CCDC85C: variants seen among roughly 807,000 people sequenced by gnomAD.
The protein encoded by CCDC85C is coiled-coil domain-containing protein 85C.
A neutral mutation model predicts 38.3 loss-of-function variants in CCDC85C; 18 were observed. The ratio of observed to expected loss-of-function variants is 0.47; its 90% confidence interval spans 0.33 to 0.70. The LOEUF is 0.70. Ranked by LOEUF, CCDC85C falls within the 30% of genes least tolerant of loss-of-function variation. CCDC85C has a pLI of 0.03. For missense variants in CCDC85C, 566 were observed against 621.2 expected (o/e 0.91, Z 0.94); for synonymous variants, 264 against 293.8 (o/e 0.90, Z 1.04).
At chr14:99,600,941 C>A (rs1434757962) in intron 1 of CCDC85C, among the ~76,000 whole-genome samples, 1 of 152,222 alleles carries the variant, frequency 6.6e-6, no homozygotes, top group Non-Finnish European at 1.5e-5. Flanking sequence ...GGGAGGATCA[C>A]TTAAGCCTGG....
chr14:99,564,121 G>A (rs1304322253), intron 1 of CCDC85C, among the ~76,000 whole-genome samples: 1 of 152,240 alleles, frequency 6.6e-6, no homozygotes, highest in Non-Finnish European at 1.5e-5. Flanking sequence ...CTCCATAGAG[G>A]CTGGACCTCA....
intron 1 of CCDC85C, among the ~76,000 whole-genome samples, chr14:99,562,787 A>T (rs1018841231): frequency 2.0e-5 from 3 of 152,100 alleles, no homozygotes; most frequent in African/African-American, 4.8e-5. Flanking sequence ...GCACATGCCC[A>T]CATGTACACA....
rs759137082 is a variant in CCDC85C at position 99,501,447 on chromosome 14, T to C, written c.*13799A>G. On this transcript the variant is annotated 3_prime_UTR_variant, in exon 6 of 6. Coordinates refer to ENST00000380243, the MANE Select transcript of CCDC85C (RefSeq NM_001144995.2). ...GTTCAAATGTTGATTAATTACAGTATTTTAAAATAGGCAGAGACTTTATGG... is the reference window on the plus strand; with the variant it reads ...GTTCAAATGTTGATTAATTACAGTACTTTAAAATAGGCAGAGACTTTATGG... 5.1e-6 allele frequency: 7 copies of C among 1,369,308 alleles called. No homozygotes were observed. In the South Asian group the frequency reaches 7.0e-5, roughly 14 times the overall value. The allele number at this position is 1,369,308 out of a possible 1,614,324, so 84.8% of individuals were successfully genotyped here.
At chr14:99,574,286 C>T (rs1898422709) in intron 1 of CCDC85C, among the ~76,000 whole-genome samples, 2 of 148,944 alleles carry the variant, frequency 1.3e-5, no homozygotes, top group South Asian at 2.2e-4. Context: ...AACATTGCTC[C>T]AGGGATTTTT....
intron 2 of CCDC85C, among the ~76,000 whole-genome samples, chr14:99,523,892 G>A (rs544595399): frequency 1.1e-4 from 17 of 151,990 alleles, no homozygotes; most frequent in East Asian, 3.9e-4. Flanking sequence ...AGGCACTCAC[G>A]GCCCGCAGGT....
Position 99,500,677 on chromosome 14 carries a change from GAATA to G in CCDC85C, c.*14565_*14568del, listed in dbSNP as rs1896802616. The G allele has an allele frequency of 5.6e-5, 48 of 854,578 alleles. No homozygotes were observed. In the South Asian group the frequency reaches 6.0e-4, roughly 11 times the overall value. 52.9% of individuals were successfully genotyped at this position (854,578 alleles called of 1,614,324 possible). A position where few individuals can be genotyped will look rare whatever the true frequency, so the allele number is the denominator to read the frequency against. ...GTTGCTAAAATATAACTTGAAGAGAGAATAAATAGACAGGAAAGCTCACTTTTGT... is the reference window on the plus strand; with the variant it reads ...GTTGCTAAAATATAACTTGAAGAGAGAATAGACAGGAAAGCTCACTTTTGT... On this transcript the variant is annotated 3_prime_UTR_variant, in exon 6 of 6. Transcript: ENST00000380243.
rs1454937942 is a variant in CCDC85C at position 99,505,361 on chromosome 14, C to T, written c.*9885G>A. ...TACTGGCTGCAGAGGGCTGCAAGCA[C>T]TCGAAATGTGACTGGGTCAAATTCT... On this transcript the variant is annotated 3_prime_UTR_variant, in exon 6 of 6. Transcript: ENST00000380243. The T allele has an allele frequency of 6.6e-6, 1 of 152,210 alleles. No individual in the cohort carries two copies. Among genetic ancestry groups the T allele is most frequent in the East Asian group, 1.9e-4 (1 of 5,196 alleles). 9.4% of individuals were successfully genotyped at this position (152,210 alleles called of 1,614,324 possible).
chr14:99,535,911 T>TG lies in CCDC85C; in HGVS notation c.867+103dup, dbSNP rs1897587456. 2.4e-6 allele frequency: 2 copies of TG among 840,776 alleles called. No homozygotes were observed. Among genetic ancestry groups the TG allele is most frequent in the East Asian group, 2.7e-5 (1 of 37,626 alleles). The allele number at this position is 840,776 out of a possible 1,614,324, so 52.1% of individuals were successfully genotyped here. ...GGTGACAGGTGGCAGTGGGAGCAGT[T>TG]GGGGGGACAGCCTAGGTCCCAAGGG... On this transcript the variant is annotated intron_variant, in intron 2 of 5. Coordinates refer to ENST00000380243, the MANE Select transcript of CCDC85C (RefSeq NM_001144995.2). The surrounding 1 kb of genome is among the most constrained non-coding windows in gnomAD (Gnocchi z 5.5).
intron 1 of CCDC85C, among the ~76,000 whole-genome samples, chr14:99,590,447 G>A (rs1413772317): frequency 6.6e-6 from 1 of 152,184 alleles, no homozygotes; most frequent in Non-Finnish European, 1.5e-5. Context: ...GAGAAGACTG[G>A]GAGGCCTGAT....
At chr14:99,552,794 G>T (rs555227792) in intron 1 of CCDC85C, among the ~76,000 whole-genome samples, 3 of 152,262 alleles carry the variant, frequency 2.0e-5, no homozygotes, top group African/African-American at 7.2e-5. Context: ...TCCCCGCAAG[G>T]GGGCCACGAG....
In CCDC85C at chr14:99,512,314, C is replaced by G. The variant is rs373138565; in HGVS notation, c.*2932G>C. 5.9e-5 allele frequency: 9 copies of G among 151,882 alleles called. No individual in the cohort carries two copies. Among genetic ancestry groups the G allele is most frequent in the Non-Finnish European group, 8.8e-5 (6 of 68,010 alleles). The allele number at this position is 151,882 out of a possible 1,614,324, so 9.4% of individuals were successfully genotyped here. On this transcript the variant is annotated 3_prime_UTR_variant, in exon 6 of 6. Transcript: ENST00000380243. The stretch of plus-strand genomic sequence containing the variant: ...AGAAAATAGACGTAGCTGCCGGGCC[C>G]GGGGACAGAAACCAGACGTTCCAGT...
intron 1 of CCDC85C, among the ~76,000 whole-genome samples, chr14:99,589,635 AG>A (rs2055064497): frequency 1.3e-5 from 2 of 152,208 alleles, no homozygotes; most frequent in Non-Finnish European, 2.9e-5. Context: ...TTGGGGGTTC[AG>A]GGGTCCCAGT....
In CCDC85C at chr14:99,520,175, G is replaced by A. The variant is rs1897282554; in HGVS notation, c.975+1958C>T. Among the ~76,000 whole-genome samples, 1 of 152,190 alleles carries A rather than the reference G, an allele frequency of 6.6e-6. No individual in the cohort carries two copies. The highest frequency in any genetic ancestry group is 2.4e-5 in the African/African-American group (1 of 41,440). ...GCCCTCAATGTGCCCATGACCCACA[G>A]GTAGCCTTAAAGGAGACTTGCCTGG... On this transcript the variant is annotated intron_variant, in intron 3 of 5. Coordinates refer to ENST00000380243, the MANE Select transcript of CCDC85C (RefSeq NM_001144995.2). This position sits in a 1 kb window ranked among gnomAD's most constrained non-coding sequence, Gnocchi z 4.1.
chr14:99,547,903 T>C (rs1897837186), intron 1 of CCDC85C, among the ~76,000 whole-genome samples: 1 of 151,990 alleles, frequency 6.6e-6, no homozygotes, highest in South Asian at 2.1e-4. Context: ...CACACACATA[T>C]ATACACATAC....
At chr14:99,523,547 G>A (rs949204024) in intron 2 of CCDC85C, among the ~76,000 whole-genome samples, 1 of 152,202 alleles carries the variant, frequency 6.6e-6, no homozygotes, top group African/African-American at 2.4e-5. Flanking sequence ...AGGAAAGCAG[G>A]GATCCGGCAC....
At position 99,588,588 on chromosome 14, in the gene CCDC85C, G is replaced by A. The variant is rs970978694; in HGVS notation, c.793+14579C>T. The stretch of plus-strand genomic sequence containing the variant: ...GCGATGGCGCTGGCCCGGGAGGCCT[G>A]AGGAAGCGAGCTGGGGAGAGGGAAG... On this transcript the variant is annotated intron_variant, in intron 1 of 5. Transcript: ENST00000380243. This position sits in a 1 kb window ranked among gnomAD's most constrained non-coding sequence, Gnocchi z 5.0. 2.0e-5 allele frequency among the ~76,000 whole-genome samples: 3 copies of A among 152,110 alleles called. No homozygotes were observed. The highest frequency in any genetic ancestry group is 1.9e-4 in the East Asian group (1 of 5,156).
chr14:99,560,007 TA>T (rs3070369), intron 1 of CCDC85C, among the ~76,000 whole-genome samples: 5 of 146,890 alleles, frequency 3.4e-5, no homozygotes, highest in Admixed American at 6.7e-5. Flanking sequence ...CCTTTGAAAT[TA>T]AAAAAAAAAA....
At chr14:99,573,484 A>T (rs1898402392) in intron 1 of CCDC85C, among the ~76,000 whole-genome samples, 1 of 152,188 alleles carries the variant, frequency 6.6e-6, no homozygotes, top group Non-Finnish European at 1.5e-5. Context: ...CATGCCTTTG[A>T]GGTCCGGCGC....
Position 99,511,434 on chromosome 14 carries a change from TAAC to T in CCDC85C, c.*3809_*3811del, listed in dbSNP as rs1352496229. ...GAGATATATTTTTTAAGTGTGAATG[TAAC>T]AACATACTGTGAATTCCATCTTGGT... On this transcript the variant is annotated 3_prime_UTR_variant, in exon 6 of 6. Transcript: ENST00000380243. 1 of 152,524 alleles carries T rather than the reference TAAC, an allele frequency of 6.6e-6. No homozygotes were observed. Among genetic ancestry groups the T allele is most frequent in the Non-Finnish European group, 1.5e-5 (1 of 68,030 alleles). The allele number at this position is 152,524 out of a possible 1,614,324, so 9.4% of individuals were successfully genotyped here.
Sources: gnomAD v4.1 joint callset for allele counts (sites outside exome capture counted in the v4.1 genomes callset) on GRCh38, gnomAD v4.1.1 for gene constraint, Gnocchi (gnomAD v3.1) non-coding constraint, MANE v1.5 for transcripts, NCBI Gene and HGNC (gene_info 2026-07-23, HGNC 2026-07-21) for gene names.